Variants in DPP10 observed in about 807,000 individuals in gnomAD.
The protein encoded by DPP10 is inactive dipeptidyl peptidase 10.
A neutral mutation model predicts 120.9 loss-of-function variants in DPP10; 33 were observed. That is an observed-to-expected ratio of 0.27 (90% CI 0.21 to 0.37). The LOEUF (loss-of-function observed/expected upper bound fraction) is 0.37, where lower values mean the gene tolerates loss of function less well. DPP10 is among the 10% of genes least tolerant of loss of function. The probability of loss-of-function intolerance (pLI) is 1.00; values close to 1 mark genes in which losing one functional copy is unlikely to be tolerated. For missense variants in DPP10, 816 were observed against 942.8 expected (o/e 0.87, Z 1.76); for synonymous variants, 337 against 326.1 (o/e 1.03, Z -0.36).
intron 1 of DPP10, among the ~76,000 whole-genome samples, chr2:115,005,272 C>A (rs1276018820): frequency 2.6e-5 from 4 of 152,156 alleles, no homozygotes; most frequent in Admixed American, 1.3e-4. Flanking sequence ...GGGGAAAAAA[C>A]CGAACAGAAA....
At chr2:115,146,138 T>C (rs2051213515) in intron 1 of DPP10, among the ~76,000 whole-genome samples, 1 of 152,188 alleles carries the variant, frequency 6.6e-6, no homozygotes, top group South Asian at 2.1e-4. Context: ...CGCTGGGGTC[T>C]TTCTGACTCC....
chr2:115,325,474 G>A (rs75159359), intron 2 of DPP10, among the ~76,000 whole-genome samples: 1,566 of 152,132 alleles, frequency 0.01, 23 homozygotes, highest in African/African-American at 0.036. Flanking sequence ...TTGAAATGTG[G>A]AAAAACATAA....
At chr2:115,092,495 C>A (rs1229203969) in intron 1 of DPP10, among the ~76,000 whole-genome samples, 3 of 152,062 alleles carry the variant, frequency 2.0e-5, no homozygotes, top group Admixed American at 2.0e-4. Flanking sequence ...CATCTATCAC[C>A]TTTCGGTCTC....
intron 3 of DPP10, among the ~76,000 whole-genome samples, chr2:115,349,909 C>T (rs2063914593): frequency 6.6e-6 from 1 of 151,968 alleles, no homozygotes; most frequent in Non-Finnish European, 1.5e-5. Flanking sequence ...ATATTCAGCC[C>T]CCAGTCAAAA....
At chr2:114,987,804 C>CTTTTTTTTTTTTTTTTT (rs59203543) in intron 1 of DPP10, among the ~76,000 whole-genome samples, 3,550 of 101,004 alleles carry the variant, frequency 0.035, 485 homozygotes, top group African/African-American at 0.042. Flanking sequence ...TGGAGACTGT[C>CTTTTTTTTTTTTTTTTT]TTTTTTTTTT....
At chr2:114,802,802 A>T (rs1684375632) in intron 1 of DPP10, among the ~76,000 whole-genome samples, 1 of 152,208 alleles carries the variant, frequency 6.6e-6, no homozygotes, top group African/African-American at 2.4e-5. Flanking sequence ...TTCTTTTCTA[A>T]GTAAGTTCCT....
At chr2:114,620,439 ATTAAT>A (rs751245872) in intron 1 of DPP10, among the ~76,000 whole-genome samples, 4 of 152,130 alleles carry the variant, frequency 2.6e-5, no homozygotes, top group East Asian at 3.9e-4. Flanking sequence ...TATTCAGAAC[ATTAAT>A]TTAATTTTAA....
At chr2:115,064,897 C>A (rs922402732) in intron 1 of DPP10, 1 of 1,223,454 alleles carries the variant, frequency 8.2e-7, no homozygotes, top group Non-Finnish European at 1.1e-6. Context: ...ACTGAATTGT[C>A]TTTTCCTATT....
rs147330774 is a variant in DPP10, at chr2:115,321,412, A to T, written c.175+12059A>T. Among the ~76,000 whole-genome samples the T allele has an allele frequency of 1.5e-3, 227 of 151,782 alleles. 3 individuals carry two copies. Among genetic ancestry groups the T allele is most frequent in the African/African-American group, 5.1e-3 (210 of 41,418 alleles). On this transcript the variant is annotated intron_variant, in intron 2 of 25. Transcript: ENST00000410059. ...CTGTTAAACTTATTGAGAATCCCTT[A>T]TATATATCAAGAGGGTTTTCTTTCG...
intron 13 of DPP10, among the ~76,000 whole-genome samples, chr2:115,772,732 C>T (rs1046112716): frequency 6.6e-6 from 1 of 152,156 alleles, no homozygotes; most frequent in African/African-American, 2.4e-5. Flanking sequence ...ATTCTCATCT[C>T]AGGAACTGTA....
chr2:114,502,588 C>A (rs936390515), intron 1 of DPP10, among the ~76,000 whole-genome samples: 1 of 152,078 alleles, frequency 6.6e-6, no homozygotes, highest in African/African-American at 2.4e-5. Flanking sequence ...GTTAAGTAAC[C>A]TATGTTTTGA....
intron 1 of DPP10, among the ~76,000 whole-genome samples, chr2:114,627,510 T>C (rs2105358009): frequency 6.6e-6 from 1 of 152,166 alleles, no homozygotes; most frequent in African/African-American, 2.4e-5. Context: ...ACTGTTAAAA[T>C]GACCAGCCAC....
intron 3 of DPP10, among the ~76,000 whole-genome samples, chr2:115,459,886 T>G (rs1338396853): frequency 6.8e-6 from 1 of 147,534 alleles, no homozygotes; most frequent in African/African-American, 2.5e-5. Context: ...CACCCATAGG[T>G]AAAATTATTT....
chr2:115,390,650 C>T (rs1169569825), intron 3 of DPP10, among the ~76,000 whole-genome samples: 1 of 152,128 alleles, frequency 6.6e-6, no homozygotes, highest in African/African-American at 2.4e-5. Flanking sequence ...TTGCCCCCCT[C>T]AAAGCCTCTG....
At chr2:115,141,219 C>G (rs956284905) in intron 1 of DPP10, among the ~76,000 whole-genome samples, 1 of 152,138 alleles carries the variant, frequency 6.6e-6, no homozygotes, top group Non-Finnish European at 1.5e-5. Flanking sequence ...CTACTCAGTA[C>G]GCAGTTCTTA....
chr2:114,832,852 C>A (rs1435055155), intron 1 of DPP10, among the ~76,000 whole-genome samples: 1 of 151,622 alleles, frequency 6.6e-6, no homozygotes, highest in Non-Finnish European at 1.5e-5. Flanking sequence ...TAACATGTTT[C>A]TATTTTCTAA....
intron 1 of DPP10, among the ~76,000 whole-genome samples, chr2:114,717,505 T>C (rs1454113362): frequency 6.6e-6 from 1 of 152,202 alleles, no homozygotes; most frequent in Non-Finnish European, 1.5e-5. Flanking sequence ...ACATTACTTT[T>C]AAAGCAGTTG....
intron 1 of DPP10, among the ~76,000 whole-genome samples, chr2:115,115,503 C>A (rs1410508331): frequency 6.6e-6 from 1 of 152,174 alleles, no homozygotes; most frequent in Admixed American, 6.5e-5. Flanking sequence ...GCATTCCACA[C>A]ACCAATTTGC....
intron 1 of DPP10, among the ~76,000 whole-genome samples, chr2:114,671,129 G>C (rs996831571): frequency 2.0e-5 from 3 of 152,054 alleles, no homozygotes; most frequent in African/African-American, 7.2e-5. Flanking sequence ...GATATTATGG[G>C]TTTAAGAAGG....
Sources: gnomAD v4.1 joint callset for allele counts (sites outside exome capture counted in the v4.1 genomes callset) on GRCh38, gnomAD v4.1.1 for gene constraint, MANE v1.5 for transcripts, NCBI Gene and HGNC (gene_info 2026-07-23, HGNC 2026-07-21) for gene names.